The following UPK1A variants were observed in gnomAD, a reference collection of about 807,000 sequenced individuals.
The protein encoded by UPK1A is uroplakin-1a.
UPK1A carries 31 observed loss-of-function variants against 32.3 expected under a neutral mutation model. That is an observed-to-expected ratio of 0.96 (90% CI 0.72 to 1.30). UPK1A has a LOEUF of 1.30. Ranked by LOEUF, UPK1A falls within the 50% of genes most tolerant of loss-of-function variation. UPK1A has a pLI of 0.00. For synonymous variants in UPK1A, 135 were observed against 137.1 expected (o/e 0.98, Z 0.11); for missense variants, 340 against 357.4 (o/e 0.95, Z 0.39).
Position 35,666,793 on chromosome 19 carries a change from T to G in UPK1A, c.-4-16T>G. ...CCCTTTACGCTCCTGGCCTCATCCC[T>G]GCTCATGTGTCCCAGGATGATGGCG... is the stretch of plus-strand genomic sequence containing the variant. On this transcript the variant is annotated splice_polypyrimidine_tract_variant and intron_variant, in intron 1 of 7. Transcript: ENST00000617999. The G allele has an allele frequency of 1.2e-6, 2 of 1,613,742 alleles. No homozygotes were observed. Among genetic ancestry groups the G allele is most frequent in the Non-Finnish European group, 8.5e-7 (1 of 1,179,670 alleles).
At chr19:35,672,113 T>C (rs943889914) in intron 3 of UPK1A, among the ~76,000 whole-genome samples, 2 of 152,204 alleles carry the variant, frequency 1.3e-5, no homozygotes, top group African/African-American at 4.8e-5. Context: ...TGAAAAGAAT[T>C]TGCATTAAAC....
rs753612598 is a variant in UPK1A, at chr19:35,668,546, C to T, written c.177C>T (p.Asp59=). Residue 59 remains aspartate, a synonymous_variant, in exon 3 of 8, where the codon GAC becomes GAT. Coordinates refer to ENST00000617999, the Ensembl canonical transcript of UPK1A. ...TGATGGGAGTCTCAGGCAAGGATGA[C>T]GTCTTCGCTGGTGCCTGGATTGCCA... The T allele has an allele frequency of 3.2e-5, 51 of 1,614,194 alleles. 1 individual carries two copies. The highest frequency in any genetic ancestry group is 5.3e-5 in the African/African-American group (4 of 75,056).
chr19:35,669,546 C>T (rs930130565), intron 3 of UPK1A, among the ~76,000 whole-genome samples: 6 of 151,904 alleles, frequency 3.9e-5, no homozygotes, highest in African/African-American at 1.5e-4. Flanking sequence ...TGGCAGGCAC[C>T]TGTAATCCCC....
exon 5 of UPK1A, chr19:35,673,532 G>C: frequency 6.2e-7 from 1 of 1,613,462 alleles, no homozygotes; most frequent in Non-Finnish European, 8.5e-7. Flanking sequence ...CTCTGGGACC[G>C]CGTCATGATT....
At chr19:35,666,861 G>A (rs375733481) in exon 2 of UPK1A, 7 of 1,614,094 alleles carry the variant, frequency 4.3e-6, no homozygotes, top group Non-Finnish European at 5.1e-6. Context: ...TCCAGTTGTG[G>A]TGGGCCTGCT....
At chr19:35,674,307 C>T (rs1043654693) in intron 5 of UPK1A, among the ~76,000 whole-genome samples, 5 of 134,230 alleles carry the variant, frequency 3.7e-5, no homozygotes, top group African/African-American at 8.7e-5. Context: ...AATGCAGTGG[C>T]GCGATCTCGG....
chr19:35,668,114 A>G (rs1968025905), intron 2 of UPK1A: 1 of 393,292 alleles, frequency 2.5e-6, no homozygotes, highest in South Asian at 2.3e-5. Flanking sequence ...GGCCATGGCC[A>G]TGTTCCCCTC....
In UPK1A at chr19:35,676,038, CTCCATCTGTCTA is replaced by C. The variant is rs752824114; in HGVS notation, c.648+31_648+42del. On this transcript the variant is annotated intron_variant, in intron 6 of 7. Coordinates refer to ENST00000617999, the Ensembl canonical transcript of UPK1A. ...CACCAAGGTGTGGCCGTCTGCCCTG[CTCCATCTGTCTA>C]TCCATCTGTCTGTCTTCCTCTGGTC... 5 of 1,604,198 alleles carry C rather than the reference CTCCATCTGTCTA, an allele frequency of 3.1e-6. No homozygotes were observed. Among genetic ancestry groups the C allele is most frequent in the Non-Finnish European group, 3.4e-6 (4 of 1,174,752 alleles).
rs529415398 is a variant in UPK1A at position 35,671,526 on chromosome 19, C to T, written c.286-1706C>T. On this transcript the variant is annotated intron_variant, in intron 3 of 7. Transcript: ENST00000617999. ...AGGCTGGAGTGCAGTGGTGCGATCTCGGCTCACTGCAAGCTCCGCCTCCCG... is the reference window on the plus strand; with the variant it reads ...AGGCTGGAGTGCAGTGGTGCGATCTTGGCTCACTGCAAGCTCCGCCTCCCG... Among the ~76,000 whole-genome samples, 391 of 133,462 alleles carry T rather than the reference C, an allele frequency of 2.9e-3. 1 individual carries two copies. The highest frequency in any genetic ancestry group is 0.011 in the African/African-American group (372 of 35,406). 87.6% of individuals were successfully genotyped at this position (133,462 alleles called of 152,430 possible). A position where few individuals can be genotyped will look rare whatever the true frequency, so the allele number is the denominator to read the frequency against.
chr19:35,673,134 A>T (rs1599631436), intron 3 of UPK1A, 98 bp from the exon 4 acceptor site: 2 of 1,307,134 alleles, frequency 1.5e-6, no homozygotes, highest in East Asian at 2.3e-5. Flanking sequence ...CACTGCCCCA[A>T]ACTTTTTTAA....
At chr19:35,676,669 A>C (rs1169208624) in intron 6 of UPK1A, among the ~76,000 whole-genome samples, 2 of 150,646 alleles carry the variant, frequency 1.3e-5, no homozygotes, top group Non-Finnish European at 3.0e-5. Flanking sequence ...GAGGCTGAGG[A>C]GGGCAGATCA....
intron 3 of UPK1A, among the ~76,000 whole-genome samples, chr19:35,669,629 C>A: frequency 6.6e-6 from 1 of 152,184 alleles, no homozygotes; most frequent in Middle Eastern, 3.4e-3. Flanking sequence ...CAAGATCACA[C>A]CACTGCATTC....
rs1374760037 is a variant in UPK1A at position 35,668,734 on chromosome 19, C to G, written c.285+80C>G. The G allele has an allele frequency of 6.2e-6, 9 of 1,456,788 alleles. No individual in the cohort carries two copies. In the South Asian group the frequency reaches 1.2e-4, roughly 20 times the overall value. 90.2% of individuals were successfully genotyped at this position (1,456,788 alleles called of 1,614,324 possible). On this transcript the variant is annotated intron_variant, in intron 3 of 7. Coordinates refer to ENST00000617999, the Ensembl canonical transcript of UPK1A. ...TGAGTCATAGTAGCAGGTGCAGCCCCAGCCACTAGTGTGAGTTCCCCATGG... is the reference window on the plus strand; with the variant it reads ...TGAGTCATAGTAGCAGGTGCAGCCCGAGCCACTAGTGTGAGTTCCCCATGG...
chr19:35,666,748 G>T, intron 1 of UPK1A, 61 bp from the exon 2 acceptor site: 1 of 1,558,346 alleles, frequency 6.4e-7, no homozygotes, highest in Non-Finnish European at 8.8e-7. Flanking sequence ...GTGTGGCTCA[G>T]AGATGGGGGG....
chr19:35,676,344 C>T (rs555245485), intron 6 of UPK1A: 2 of 459,814 alleles, frequency 4.3e-6, no homozygotes, highest in East Asian at 4.8e-5. Context: ...GTGCGCACCA[C>T]CCTCTTGGCT....
intron 3 of UPK1A, among the ~76,000 whole-genome samples, chr19:35,671,660 C>T (rs1307723199): frequency 3.3e-5 from 5 of 150,570 alleles, no homozygotes; most frequent in Non-Finnish European, 7.4e-5. Context: ...GATGGGGTTT[C>T]GCCGTGTTAG....
At chr19:35,677,096 C>T (rs551331294) in intron 6 of UPK1A, among the ~76,000 whole-genome samples, 13 of 148,454 alleles carry the variant, frequency 8.8e-5, no homozygotes, top group East Asian at 4.1e-4. Context: ...TGGTGGTGCG[C>T]GCCTGTAATC....
chr19:35,675,368 A>G (rs571835579), intron 5 of UPK1A, among the ~76,000 whole-genome samples: 2 of 151,812 alleles, frequency 1.3e-5, no homozygotes, highest in African/African-American at 4.8e-5. Context: ...TGCAGTCGCC[A>G]CCTCCCGGAT....
Position 35,677,869 on chromosome 19 carries a change from T to C in UPK1A, c.706T>C (p.Phe236Leu), listed in dbSNP as rs368438573. ...CAGCTACACGTGGGGTATCTCGTGG[T>C]TTGGGTTTGCCATCCTGATGTGGAC... The change falls in exon 7 of 8, where the codon TTT (phenylalanine) becomes CTT (leucine). Residue 236 changes from phenylalanine (F) to leucine (L), a missense_variant. Physicochemically the swap from Phe to Leu is conservative, Grantham distance 22. Transcript: ENST00000617999. 7.4e-6 allele frequency: 12 copies of C among 1,611,956 alleles called. No homozygotes were observed. The highest frequency in any genetic ancestry group is 1.0e-5 in the Non-Finnish European group (12 of 1,179,990).
Sources: gnomAD v4.1 joint callset for allele counts (sites outside exome capture counted in the v4.1 genomes callset) on GRCh38, gnomAD v4.1.1 for gene constraint, MANE v1.5 for transcripts, NCBI Gene and HGNC (gene_info 2026-07-23, HGNC 2026-07-21) for gene names.